SLC16A2: variants seen among roughly 807,000 people sequenced by gnomAD.
The protein encoded by SLC16A2 is solute carrier family 16 member 2.
In SLC16A2, 3 loss-of-function variants were observed where a neutral mutation model predicts 27.2. That is an observed-to-expected ratio of 0.11 (90% CI 0.05 to 0.28). SLC16A2 has a LOEUF of 0.28. Among genes scored for constraint, SLC16A2 ranks in the 10% least tolerant of loss-of-function variants. The probability of loss-of-function intolerance (pLI) is 1.00; values close to 1 mark genes in which losing one functional copy is unlikely to be tolerated. For missense variants in SLC16A2, 295 were observed against 458.5 expected, an observed-to-expected ratio of 0.64 and a Z score of 3.26; for synonymous variants, 202 against 187.8, an observed-to-expected ratio of 1.08 and a Z score of -0.62.
chrX:74,436,842 C>A (rs765935467), intron 1 of SLC16A2, among the ~76,000 whole-genome samples: 1 of 111,770 alleles, frequency 8.9e-6, no homozygotes, highest in East Asian at 2.8e-4. Flanking sequence ...CACCTAGGAC[C>A]AGATTAAGAC....
rs1257666286 is a variant in SLC16A2, at chrX:74,460,598, C to T, written c.430+38531C>T. ...GAAATCAAATGTATTGGCCTAGAGC[C>T]TGGCCTGTACCCAGGGTCTAGCCTT... is the stretch of plus-strand genomic sequence containing the variant. On this transcript the variant is annotated intron_variant, in intron 1 of 5. Coordinates refer to ENST00000587091, the MANE Select transcript of SLC16A2 (RefSeq NM_006517.5). Among the ~76,000 whole-genome samples the T allele has an allele frequency of 4.4e-5, 5 of 112,494 alleles. No individual in the cohort carries two copies. In the East Asian group the frequency reaches 1.4e-3, roughly 31 times the overall value.
At position 74,505,260 on chromosome X, in the gene SLC16A2, G is replaced by C. The variant is rs1406262260; in HGVS notation, c.431-15730G>C. On this transcript the variant is annotated intron_variant, in intron 1 of 5. Transcript: ENST00000587091. The stretch of plus-strand genomic sequence containing the variant: ...GAGGCTTAAGGAAATTTCCCAGCTG[G>C]GAAGCAGGTTGTTAACTAGCCAACC... Among the ~76,000 whole-genome samples the C allele has an allele frequency of 2.7e-5, 3 of 111,684 alleles. No homozygotes were observed. In the Admixed American group the frequency reaches 2.9e-4, roughly 11 times the overall value.
chrX:74,480,150 C>A (rs1011266780), intron 1 of SLC16A2, among the ~76,000 whole-genome samples: 1 of 112,117 alleles, frequency 8.9e-6, no homozygotes, highest in East Asian at 2.8e-4. Context: ...GCTTCCTGGC[C>A]GCTTTGTTTA....
chrX:74,518,993 T>C (rs1012945605), intron 1 of SLC16A2, among the ~76,000 whole-genome samples: 2 of 112,054 alleles, frequency 1.8e-5, no homozygotes, highest in South Asian at 7.5e-4. Flanking sequence ...GATCATACGA[T>C]TTGTGAATAT....
chrX:74,528,660 A>G (rs369484609), intron 4 of SLC16A2, among the ~76,000 whole-genome samples: 10 of 111,554 alleles, frequency 9.0e-5, no homozygotes, highest in African/African-American at 2.3e-4. Flanking sequence ...GAATGTCCCA[A>G]TGGTTTCCTT....
intron 1 of SLC16A2, among the ~76,000 whole-genome samples, chrX:74,432,554 C>T (rs1928552810): frequency 1.8e-5 from 2 of 111,761 alleles, no homozygotes; most frequent in African/African-American, 3.2e-5. Context: ...ACTAAGATTT[C>T]AAATATACTA....
Position 74,529,266 on chromosome X carries a change from G to C in SLC16A2, c.1224G>C (p.Arg408=), listed in dbSNP as rs1385923141. 3 of 1,210,443 alleles carry C rather than the reference G, an allele frequency of 2.5e-6. No homozygotes were observed. Among genetic ancestry groups the C allele is most frequent in the Non-Finnish European group, 3.4e-6 (3 of 895,178 alleles). ...GLMSMMIPLC[R]DFGGLIVVCL... ...TGTCCATGATGATTCCCCTGTGCCG[G>C]GACTTCGGGGGCCTTATCGTCGTCT... The change falls in exon 5 of 6, where the codon CGG becomes CGC. Residue 408 remains arginine (R), a synonymous_variant. Transcript: ENST00000587091.
At chrX:74,457,177 G>T (rs895298831) in intron 1 of SLC16A2, among the ~76,000 whole-genome samples, 3 of 111,564 alleles carry the variant, frequency 2.7e-5, no homozygotes, top group African/African-American at 9.8e-5. Context: ...TCTGAGGAAT[G>T]GAGTGATTTT....
chrX:74,478,549 T>C (rs200914667), intron 1 of SLC16A2, among the ~76,000 whole-genome samples: 1 of 111,748 alleles, frequency 8.9e-6, no homozygotes, highest in Non-Finnish European at 1.9e-5. Flanking sequence ...TTATTTTGCT[T>C]GTTAGTTGAT....
chrX:74,451,405 A>G (rs1242473704), intron 1 of SLC16A2, among the ~76,000 whole-genome samples: 1 of 112,621 alleles, frequency 8.9e-6, no homozygotes, highest in Non-Finnish European at 1.9e-5. Context: ...ATGATCAAAC[A>G]TCAGATTTAG....
intron 1 of SLC16A2, among the ~76,000 whole-genome samples, chrX:74,494,675 C>T (rs1461217733): frequency 1.8e-5 from 2 of 111,031 alleles, no homozygotes; most frequent in Non-Finnish European, 3.8e-5. Flanking sequence ...AACCATGGAC[C>T]TGCAGGCTCT....
At chrX:74,479,484 C>T (rs1351337927) in intron 1 of SLC16A2, among the ~76,000 whole-genome samples, 5 of 112,396 alleles carry the variant, frequency 4.4e-5, no homozygotes, top group African/African-American at 6.5e-5. Flanking sequence ...TCTCTCAACT[C>T]GTCAAAGTCA....
Position 74,459,966 on chromosome X carries a change from C to G in SLC16A2, c.430+37899C>G, listed in dbSNP as rs746434772. ...GCCGTGGAAGGAAAGAGCCAAGACT[C>G]AAGGTGGTCTGACTTCAATGCATCA... On this transcript the variant is annotated intron_variant, in intron 1 of 5. Transcript: ENST00000587091. 2.7e-5 allele frequency among the ~76,000 whole-genome samples: 3 copies of G among 111,686 alleles called. No individual in the cohort carries two copies. The East Asian group carries it at 8.5e-4, about 32-fold the overall frequency.
intron 1 of SLC16A2, among the ~76,000 whole-genome samples, chrX:74,504,134 AATGAG>A (rs1930082685): frequency 8.9e-6 from 1 of 112,018 alleles, no homozygotes; most frequent in Non-Finnish European, 1.9e-5. Flanking sequence ...GTGAAGATCT[AATGAG>A]ATAAGTGCTG....
At chrX:74,453,002 C>T (rs1928970108) in intron 1 of SLC16A2, among the ~76,000 whole-genome samples, 1 of 110,165 alleles carries the variant, frequency 9.1e-6, no homozygotes, top group South Asian at 3.9e-4. Context: ...ACACATGTCA[C>T]TGCTAAGCCC....
intron 1 of SLC16A2, among the ~76,000 whole-genome samples, chrX:74,514,762 A>G (rs1180844668): frequency 1.8e-5 from 2 of 111,758 alleles, no homozygotes; most frequent in Non-Finnish European, 3.8e-5. Context: ...CCCAACCAGG[A>G]AGATATAAAA....
intron 1 of SLC16A2, among the ~76,000 whole-genome samples, chrX:74,496,348 G>A (rs1328760481): frequency 1.8e-5 from 2 of 111,242 alleles, no homozygotes; most frequent in African/African-American, 6.5e-5. Flanking sequence ...ACTGAGATGG[G>A]ACTCTAACTT....
At chrX:74,426,515 C>G (rs1473827627) in intron 1 of SLC16A2, among the ~76,000 whole-genome samples, 1 of 111,743 alleles carries the variant, frequency 8.9e-6, no homozygotes, top group East Asian at 2.8e-4. Flanking sequence ...AAAGCAAGAC[C>G]CAGGGCCAAA....
At chrX:74,505,888 C>G (rs1208280721) in intron 1 of SLC16A2, among the ~76,000 whole-genome samples, 1 of 111,967 alleles carries the variant, frequency 8.9e-6, no homozygotes, top group Non-Finnish European at 1.9e-5. Context: ...TATTCAGTCT[C>G]AAGGGTAGGA....
Sources: allele counts gnomAD v4.1 joint callset (sites outside exome capture counted in the v4.1 genomes callset), GRCh38; gene constraint gnomAD v4.1.1; transcripts MANE v1.5; gene names NCBI Gene and HGNC (gene_info 2026-07-23, HGNC 2026-07-21).